The following SH3BGRL variants were observed in gnomAD, a reference collection of about 807,000 sequenced individuals.
SH3BGRL encodes the protein adapter SH3BGRL.
SH3BGRL carries 7 observed loss-of-function variants against 9.8 expected under a neutral mutation model. The observed-to-expected ratio is 0.72, with a 90% CI of 0.41 to 1.35. The LOEUF is 1.35. Among genes scored for constraint, SH3BGRL ranks in the 40% most tolerant of loss-of-function variants. The pLI is 0.01. For synonymous variants in SH3BGRL, 36 were observed against 29.1 expected (o/e 1.24, Z -0.76); for missense variants, 73 against 84.4 (o/e 0.86, Z 0.53).
chrX:81,251,699 G>A (rs1320542573), intron 1 of SH3BGRL, among the ~76,000 whole-genome samples: 2 of 111,668 alleles, frequency 1.8e-5, no homozygotes, highest in Non-Finnish European at 3.8e-5. Flanking sequence ...GAATTTTAAT[G>A]TCCCACTAAA....
At position 81,221,300 on chromosome X, in the gene SH3BGRL, G is replaced by T. The variant is rs139975809; in HGVS notation, c.45+19055G>T. ...GCCTTATATATCTGGGTGCTCCAGC[G>T]GTTGTTGCATATATCTTCTTCACCC... On this transcript the variant is annotated intron_variant, in intron 1 of 3. Transcript: ENST00000373212. Among the ~76,000 whole-genome samples, 5 of 110,950 alleles carry T rather than the reference G, an allele frequency of 4.5e-5. No homozygotes were observed. In the East Asian group the frequency reaches 8.5e-4, roughly 19 times the overall value.
intron 2 of SH3BGRL, 49 bp from the exon 3 acceptor site, chrX:81,278,282 C>A (rs373699809): frequency 1.5e-4 from 143 of 943,542 alleles, no homozygotes; most frequent in Non-Finnish European, 2.0e-4. Flanking sequence ...TCCTTTTTTT[C>A]TTTTATTGGT....
intron 2 of SH3BGRL, among the ~76,000 whole-genome samples, chrX:81,278,097 G>A (rs1271656189): frequency 9.0e-6 from 1 of 111,461 alleles, no homozygotes; most frequent in South Asian, 3.8e-4. Context: ...CAAGTAGCGG[G>A]GATTACAGGC....
intron 3 of SH3BGRL, among the ~76,000 whole-genome samples, chrX:81,282,871 A>G (rs2075822214): frequency 1.8e-5 from 2 of 112,321 alleles, no homozygotes; most frequent in South Asian, 3.6e-4. Context: ...AAAAGATAAA[A>G]TGAAACAAAA....
chrX:81,255,287 G>A (rs912198569), intron 1 of SH3BGRL, among the ~76,000 whole-genome samples: 5 of 111,683 alleles, frequency 4.5e-5, no homozygotes, highest in African/African-American at 1.6e-4. Context: ...GGTTAGTTTT[G>A]AAATGGGTGG....
At chrX:81,240,779 C>T (rs187537852) in intron 1 of SH3BGRL, among the ~76,000 whole-genome samples, 14 of 112,804 alleles carry the variant, frequency 1.2e-4, no homozygotes, top group Non-Finnish European at 2.4e-4. Flanking sequence ...ATCACATTAC[C>T]TGACTTCAAA....
At chrX:81,250,259 G>T (rs1440827165) in intron 1 of SH3BGRL, among the ~76,000 whole-genome samples, 3 of 108,657 alleles carry the variant, frequency 2.8e-5, no homozygotes, top group African/African-American at 1.0e-4. Context: ...AATTAGCCGG[G>T]CCTGGTGGCA....
At chrX:81,238,527 C>G (rs2075656114) in intron 1 of SH3BGRL, among the ~76,000 whole-genome samples, 1 of 111,955 alleles carries the variant, frequency 8.9e-6, no homozygotes. Context: ...TTATCGGCCT[C>G]CTGCACAACA....
At chrX:81,238,595 C>T (rs946192848) in intron 1 of SH3BGRL, among the ~76,000 whole-genome samples, 1 of 111,677 alleles carries the variant, frequency 9.0e-6, no homozygotes, top group African/African-American at 3.3e-5. Flanking sequence ...AGAACACAGG[C>T]CAGGCTGGTT....
intron 3 of SH3BGRL, among the ~76,000 whole-genome samples, chrX:81,282,659 C>G (rs1224341714): frequency 9.0e-6 from 1 of 111,168 alleles, no homozygotes; most frequent in Non-Finnish European, 1.9e-5. Context: ...CTATCAAAAC[C>G]TCTGGGATAC....
chrX:81,204,795 C>T (rs181316274), intron 1 of SH3BGRL, among the ~76,000 whole-genome samples: 221 of 112,132 alleles, frequency 2.0e-3, no homozygotes, highest in Middle Eastern at 9.3e-3. Flanking sequence ...GCAATCCAGC[C>T]TGGGCAACAG....
In SH3BGRL at chrX:81,250,183, G is replaced by A. The variant is rs955034558; in HGVS notation, c.46-26801G>A. 2.8e-5 allele frequency among the ~76,000 whole-genome samples: 3 copies of A among 109,025 alleles called. No individual in the cohort carries two copies. In the East Asian group the frequency reaches 8.6e-4, roughly 31 times the overall value. The allele number at this position is 109,025 out of a possible 115,157, so 94.7% of individuals were successfully genotyped here. A position where few individuals can be genotyped will look rare whatever the true frequency, so the allele number is the denominator to read the frequency against. ...TGGGAGGCCGAGGTGGGTGGATCAC[G>A]AGGTCAGGAGATCAAGACCATCCTG... is the stretch of plus-strand genomic sequence containing the variant. On this transcript the variant is annotated intron_variant, in intron 1 of 3. Transcript: ENST00000373212.
intron 1 of SH3BGRL, among the ~76,000 whole-genome samples, chrX:81,264,107 T>C (rs946144358): frequency 2.7e-5 from 3 of 110,623 alleles, no homozygotes; most frequent in Middle Eastern, 9.3e-3. Flanking sequence ...TAGGAATTCA[T>C]GTTCACTCAT....
At chrX:81,275,664 T>C (rs187844152) in intron 1 of SH3BGRL, among the ~76,000 whole-genome samples, 25 of 112,198 alleles carry the variant, frequency 2.2e-4, no homozygotes, top group Non-Finnish European at 4.1e-4. Flanking sequence ...TATAAGCCAA[T>C]TAAAAAACAG....
At chrX:81,276,911 C>A in intron 1 of SH3BGRL, 73 bp from the exon 2 acceptor site, 1 of 885,528 alleles carries the variant, frequency 1.1e-6, no homozygotes, top group Non-Finnish European at 1.6e-6. Context: ...TGTCTGAATT[C>A]ATTTCTGCCA....
At chrX:81,239,394 A>G (rs2075660524) in intron 1 of SH3BGRL, among the ~76,000 whole-genome samples, 1 of 112,510 alleles carries the variant, frequency 8.9e-6, no homozygotes, top group Non-Finnish European at 1.9e-5. Flanking sequence ...ATACTGAGAA[A>G]TGCATCAGAG....
At chrX:81,207,419 T>C (rs1201934215) in intron 1 of SH3BGRL, among the ~76,000 whole-genome samples, 1 of 112,546 alleles carries the variant, frequency 8.9e-6, no homozygotes, top group Non-Finnish European at 1.9e-5. Flanking sequence ...TAACAACAGA[T>C]AAAACAATGT....
chrX:81,212,998 T>C (rs1162380428), intron 1 of SH3BGRL, among the ~76,000 whole-genome samples: 1 of 112,570 alleles, frequency 8.9e-6, no homozygotes, highest in Admixed American at 9.4e-5. Context: ...TAGGAAAGTC[T>C]TAGAATTGTA....
intron 1 of SH3BGRL, among the ~76,000 whole-genome samples, chrX:81,263,306 ACAGT>A (rs775145488): frequency 8.9e-6 from 1 of 111,769 alleles, no homozygotes; most frequent in East Asian, 2.8e-4. Context: ...TGAAAGTTAA[ACAGT>A]CAGAGAGGGT....
Sources: allele counts gnomAD v4.1 joint callset (sites outside exome capture counted in the v4.1 genomes callset), GRCh38; gene constraint gnomAD v4.1.1; transcripts MANE v1.5; gene names NCBI Gene and HGNC (gene_info 2026-07-23, HGNC 2026-07-21).